Variants in HSDL1 observed in about 807,000 individuals in gnomAD.
HSDL1 encodes hydroxysteroid dehydrogenase like 1.
Under a neutral mutation model 31.5 loss-of-function variants are expected in HSDL1, and 29 were observed. The observed-to-expected ratio is 0.92, with a 90% CI of 0.69 to 1.26. HSDL1 has a LOEUF of 1.26. Ranked by LOEUF, HSDL1 falls within the 50% of genes most tolerant of loss-of-function variation. HSDL1 has a pLI of 0.00. For missense variants in HSDL1, 503 were observed against 416.6 expected, an observed-to-expected ratio of 1.21 and a Z score of -1.81; for synonymous variants, 222 against 155.2, an observed-to-expected ratio of 1.43 and a Z score of -3.20.
intron 3 of HSDL1, 121 bp downstream of exon 3, chr16:84,130,981 G>A: frequency 1.3e-6 from 1 of 784,438 alleles, no homozygotes; most frequent in African/African-American, 1.7e-5. Context: ...CACGGCAGGA[G>A]CCATAAGTTT....
At chr16:84,131,498 TATC>T (rs1466916891) in intron 2 of HSDL1, among the ~76,000 whole-genome samples, 171 bp from the exon 3 acceptor site, 5 of 150,814 alleles carry the variant, frequency 3.3e-5, no homozygotes, top group African/African-American at 1.2e-4. Context: ...TCTATCTATC[TATC>T]TATCTATCTA....
intron 2 of HSDL1, among the ~76,000 whole-genome samples, chr16:84,131,661 C>G (rs1169746873): frequency 6.6e-6 from 1 of 151,596 alleles, no homozygotes; most frequent in African/African-American, 2.4e-5. Context: ...ACTACAGGCA[C>G]ATGCCACCAC....
At chr16:84,126,195 T>C (rs1198069560) in intron 5 of HSDL1, among the ~76,000 whole-genome samples, 2 of 151,136 alleles carry the variant, frequency 1.3e-5, no homozygotes, top group African/African-American at 2.4e-5. Flanking sequence ...ATGAGAAAAC[T>C]GGGGCTTGAG....
At chr16:84,129,426 G>C (rs1190221012) in intron 5 of HSDL1, 122 bp downstream of exon 5, 19 of 732,430 alleles carry the variant, frequency 2.6e-5, no homozygotes, top group Non-Finnish European at 4.1e-5. Context: ...AAATTATTAA[G>C]TGTCAGGCTT....
rs1394904571 is a variant in HSDL1, at chr16:84,131,260, T to C, written c.62A>G (p.Tyr21Cys). Residue 21 changes from tyrosine (Y) to cysteine (C), a missense_variant, in exon 3 of 6, where the codon TAT (tyrosine) becomes TGT (cysteine). Physicochemically the swap from Tyr to Cys is radical, Grantham distance 194 (BLOSUM62 -2). Coordinates refer to ENST00000219439, the MANE Select transcript of HSDL1 (RefSeq NM_031463.5). ...TCCAACCAAAGCTAGAGCTTCCATA[T>C]AGCAATTGCAAGACCTGGCGATTTC... Reference protein sequence around the residue: ...YREIARSCNCYMEALALVGAW... With the variant: ...YREIARSCNCCMEALALVGAW... 8 of 1,614,012 alleles carry C rather than the reference T, an allele frequency of 5.0e-6. No homozygotes were observed. Among genetic ancestry groups the C allele is most frequent in the East Asian group, 2.2e-5 (1 of 44,884 alleles).
At chr16:84,140,244 A>G (rs2086753737) in intron 1 of HSDL1, among the ~76,000 whole-genome samples, 1 of 152,192 alleles carries the variant, frequency 6.6e-6, no homozygotes, top group African/African-American at 2.4e-5. Context: ...AGATGTATAG[A>G]AAACGAATTT....
rs545133978 is a variant in HSDL1 at position 84,125,146 on chromosome 16, C to A, written c.895-418G>T. The A allele has an allele frequency of 1.4e-4, 23 of 170,108 alleles. No homozygotes were observed. In the East Asian group the frequency reaches 3.5e-3, roughly 26 times the overall value. The allele number at this position is 170,108 out of a possible 1,614,324, so 10.5% of individuals were successfully genotyped here. On this transcript the variant is annotated intron_variant, in intron 5 of 5. Transcript: ENST00000219439. ...ACCCACCAATCACAACAAATACCCA[C>A]CAAGCAATCACAACAAATACCCACC...
intron 1 of HSDL1, among the ~76,000 whole-genome samples, chr16:84,142,869 C>T (rs956252702): frequency 6.6e-6 from 1 of 152,230 alleles, no homozygotes; most frequent in African/African-American, 2.4e-5. Flanking sequence ...TTTTCATACT[C>T]TGCGTCAGCA....
intron 5 of HSDL1, among the ~76,000 whole-genome samples, chr16:84,127,929 C>A (rs1226572183): frequency 6.6e-6 from 1 of 150,586 alleles, no homozygotes; most frequent in Non-Finnish European, 1.5e-5. Context: ...CGGTGTTAGC[C>A]AGGATGGTCT....
At chr16:84,140,712 T>C (rs943374654) in intron 1 of HSDL1, among the ~76,000 whole-genome samples, 9 of 152,202 alleles carry the variant, frequency 5.9e-5, no homozygotes, top group African/African-American at 2.2e-4. Flanking sequence ...GCCCCTCCTC[T>C]ATCCTGGAGG....
rs1567520540 is a variant in HSDL1, at chr16:84,131,166, A to G, written c.156T>C (p.Phe52=). 1 of 1,614,194 alleles carries G rather than the reference A, an allele frequency of 6.2e-7. No homozygotes were observed. Among genetic ancestry groups the G allele is most frequent in the East Asian group, 2.2e-5 (1 of 44,872 alleles). Residue 52 remains phenylalanine, a synonymous_variant, in exon 3 of 6, where the codon TTT becomes TTC. Transcript: ENST00000219439. The stretch of plus-strand genomic sequence containing the variant: ...CTGCTCTGCTCCCCAGGCGGGGGAT[A>G]AAATGCAGCCTGATCAGGCTGTAAA... ...CDFYSLIRLH[F]IPRLGSRADL...
At chr16:84,143,403 A>T (rs2086788771) in intron 1 of HSDL1, among the ~76,000 whole-genome samples, 1 of 152,216 alleles carries the variant, frequency 6.6e-6, no homozygotes, top group Non-Finnish European at 1.5e-5. Context: ...GCATAAGCAA[A>T]TCCATAGAGA....
chr16:84,142,746 T>C (rs2086780464), intron 1 of HSDL1, among the ~76,000 whole-genome samples: 1 of 152,172 alleles, frequency 6.6e-6, no homozygotes, highest in African/African-American at 2.4e-5. Context: ...ACATCTTTAA[T>C]ATTCCTCCTC....
chr16:84,142,723 G>T (rs373761213), intron 1 of HSDL1, among the ~76,000 whole-genome samples: 1 of 152,026 alleles, frequency 6.6e-6, no homozygotes, highest in South Asian at 2.1e-4. Flanking sequence ...GGATGTGACC[G>T]GCCGGATCTC....
intron 1 of HSDL1, among the ~76,000 whole-genome samples, chr16:84,138,302 G>T (rs982617464): frequency 2.0e-5 from 3 of 152,028 alleles, no homozygotes; most frequent in African/African-American, 7.2e-5. Context: ...GAGTAGAATG[G>T]TGGTTGCTAG....
chr16:84,139,127 G>A (rs546487489), intron 1 of HSDL1: 1 of 152,444 alleles, frequency 6.6e-6, no homozygotes, highest in Admixed American at 6.5e-5. Context: ...TGGAAAAAAA[G>A]ACAATCAAAG....
chr16:84,143,482 T>C (rs1349396619), intron 1 of HSDL1, among the ~76,000 whole-genome samples: 1 of 151,930 alleles, frequency 6.6e-6, no homozygotes, highest in Admixed American at 6.6e-5. Flanking sequence ...GGGGTTGGGG[T>C]TTCTTTTGTA....
At position 84,123,743 on chromosome 16, in the gene HSDL1, A is replaced by T. The variant is rs2086576626; in HGVS notation, c.*887T>A. 1 of 152,590 alleles carries T rather than the reference A, an allele frequency of 6.6e-6. No individual in the cohort carries two copies. Among genetic ancestry groups the T allele is most frequent in the African/African-American group, 2.4e-5 (1 of 41,464 alleles). The allele number at this position is 152,590 out of a possible 1,614,324, so 9.5% of individuals were successfully genotyped here. ...AGCTCTAAAGGGCTAAATTTCAGTT[A>T]TAAAATGGGTCAGAGGCTGAGAAAT... On this transcript the variant is annotated 3_prime_UTR_variant, in exon 6 of 6. Coordinates refer to ENST00000219439, the MANE Select transcript of HSDL1 (RefSeq NM_031463.5).
In HSDL1 at chr16:84,131,337, G is replaced by C; in HGVS notation, c.-6-10C>G. 1.3e-6 allele frequency: 2 copies of C among 1,567,556 alleles called. No homozygotes were observed. The highest frequency in any genetic ancestry group is 1.8e-6 in the Non-Finnish European group (2 of 1,138,552). On this transcript the variant is annotated splice_polypyrimidine_tract_variant and intron_variant, in intron 2 of 5. Transcript: ENST00000219439. Reference sequence around the variant, plus strand: ...CAGCAGCCATGGCAACCTGCAGGGAGAGGGAAAGAGAGAGAGCCTCTTTGA... The same window carrying C: ...CAGCAGCCATGGCAACCTGCAGGGACAGGGAAAGAGAGAGAGCCTCTTTGA...
Sources: gnomAD v4.1 joint callset for allele counts (sites outside exome capture counted in the v4.1 genomes callset) on GRCh38, gnomAD v4.1.1 for gene constraint, MANE v1.5 for transcripts, NCBI Gene and HGNC (gene_info 2026-07-23, HGNC 2026-07-21) for gene names.